Variants in PCCA observed in about 807,000 individuals in gnomAD.
The protein encoded by PCCA is propionyl-CoA carboxylase alpha chain, mitochondrial.
A neutral mutation model predicts 101.3 loss-of-function variants in PCCA; 74 were observed. The ratio of observed to expected loss-of-function variants is 0.73; its 90% CI spans 0.61 to 0.89. The LOEUF is 0.89. Among genes scored for constraint, PCCA ranks in the 40% least tolerant of loss-of-function variants. The pLI is 0.00. For synonymous variants in PCCA, 294 were observed against 313.6 expected, an observed-to-expected ratio of 0.94 and a Z score of 0.66; for missense variants, 891 against 907.0, an observed-to-expected ratio of 0.98 and a Z score of 0.23.
intron 21 of PCCA, among the ~76,000 whole-genome samples, chr13:100,459,812 C>CTAAG (rs2082050215): frequency 6.6e-6 from 1 of 152,194 alleles, no homozygotes; most frequent in African/African-American, 2.4e-5. Flanking sequence ...CCTGGGAAGT[C>CTAAG]TAAGTAAGGT....
chr13:100,501,779 C>A (rs574418583), intron 21 of PCCA, among the ~76,000 whole-genome samples: 36 of 152,238 alleles, frequency 2.4e-4, no homozygotes, highest in Admixed American at 1.4e-3. Context: ...GAGGCTGAGG[C>A]AGGAAAATCA....
chr13:100,242,760 A>G (rs1038735139), intron 8 of PCCA, among the ~76,000 whole-genome samples: 16 of 152,192 alleles, frequency 1.1e-4, no homozygotes, highest in African/African-American at 3.9e-4. Flanking sequence ...TTTTCCCCGC[A>G]TGTACTGATT....
intron 14 of PCCA, among the ~76,000 whole-genome samples, chr13:100,305,555 G>T (rs1260156370): frequency 6.6e-6 from 1 of 152,214 alleles, no homozygotes; most frequent in Non-Finnish European, 1.5e-5. Context: ...CAAGCATGCT[G>T]TGGTTTTAAA....
chr13:100,407,984 C>G (rs1307604437), intron 19 of PCCA, among the ~76,000 whole-genome samples: 1 of 152,040 alleles, frequency 6.6e-6, no homozygotes, highest in Non-Finnish European at 1.5e-5. Context: ...GACCCTGTCT[C>G]TACTAAAAAT....
chr13:100,133,157 T>G (rs1313035569), intron 4 of PCCA, among the ~76,000 whole-genome samples: 2 of 152,252 alleles, frequency 1.3e-5, no homozygotes, highest in Non-Finnish European at 2.9e-5. Context: ...TGGTTAATGA[T>G]GATGACCTTC....
At chr13:100,515,600 G>A (rs1242751630) in intron 22 of PCCA, 33 bp downstream of exon 22, 3 of 1,610,388 alleles carry the variant, frequency 1.9e-6, no homozygotes, top group Non-Finnish European at 8.5e-7. Flanking sequence ...TGCAGGACAT[G>A]CTGGTCTCCA....
intron 16 of PCCA, among the ~76,000 whole-genome samples, chr13:100,320,224 G>A (rs1426752919): frequency 6.6e-6 from 1 of 152,136 alleles, no homozygotes; most frequent in African/African-American, 2.4e-5. Context: ...GAGATTTTGG[G>A]CTGAGATGAT....
chr13:100,282,256 T>C (rs1162287653), intron 12 of PCCA, among the ~76,000 whole-genome samples: 1 of 152,254 alleles, frequency 6.6e-6, no homozygotes, highest in Non-Finnish European at 1.5e-5. Flanking sequence ...GCAAAGACCC[T>C]GGCAGTTGTG....
rs554395437 is a variant in PCCA at position 100,337,345 on chromosome 13, C to T, written c.1541-2812C>T. Among the ~76,000 whole-genome samples the T allele has an allele frequency of 2.6e-5, 4 of 152,276 alleles. No homozygotes were observed. In the East Asian group the frequency reaches 7.7e-4, roughly 29 times the overall value. On this transcript the variant is annotated intron_variant, in intron 17 of 23. Coordinates refer to ENST00000376285, the MANE Select transcript of PCCA (RefSeq NM_000282.4). Reference sequence around the variant, plus strand: ...CAGTGTCAGTGTGTCTGACTCAACACCAAGCTGGTCTACCACCCCCAGAGG... The same window carrying T: ...CAGTGTCAGTGTGTCTGACTCAACATCAAGCTGGTCTACCACCCCCAGAGG...
intron 17 of PCCA, among the ~76,000 whole-genome samples, chr13:100,337,287 G>A (rs1055448638): frequency 2.0e-5 from 3 of 152,128 alleles, no homozygotes; most frequent in Admixed American, 2.0e-4. Flanking sequence ...AAGGGAATGA[G>A]GTACATTCAC....
intron 18 of PCCA, among the ~76,000 whole-genome samples, chr13:100,364,847 T>G (rs1470164077): frequency 6.6e-6 from 1 of 152,032 alleles, no homozygotes; most frequent in Non-Finnish European, 1.5e-5. Flanking sequence ...GGCCAGGAAT[T>G]CAAGACCAGT....
intron 8 of PCCA, among the ~76,000 whole-genome samples, chr13:100,251,991 G>T (rs2061783445): frequency 1.8e-5 from 1 of 54,164 alleles, no homozygotes; most frequent in Non-Finnish European, 4.0e-5. Context: ...TTTCCCTTCT[G>T]GGGAGGCTGA....
At position 100,349,617 on chromosome 13, in the gene PCCA, G is replaced by A. The variant is rs2073012194; in HGVS notation, c.1643+9358G>A. Among the ~76,000 whole-genome samples the A allele has an allele frequency of 1.3e-5, 2 of 152,136 alleles. 1 individual carries two copies. The highest frequency in any genetic ancestry group is 4.2e-4 in the South Asian group (2 of 4,818). Reference sequence around the variant, plus strand: ...TTTCCCTCTTGGTATTTGAGCAGGGGTTAAAGACTCAGAAAAAGAAACAAC... The same window carrying A: ...TTTCCCTCTTGGTATTTGAGCAGGGATTAAAGACTCAGAAAAAGAAACAAC... On this transcript the variant is annotated intron_variant, in intron 18 of 23. Transcript: ENST00000376285.
At chr13:100,242,201 T>G (rs570555476) in intron 8 of PCCA, among the ~76,000 whole-genome samples, 13 of 152,148 alleles carry the variant, frequency 8.5e-5, no homozygotes, top group Admixed American at 7.9e-4. Flanking sequence ...CACAAATAGG[T>G]TGAAAGTGAA....
At chr13:100,263,502 A>G (rs1247360494) in intron 10 of PCCA, among the ~76,000 whole-genome samples, 10 of 152,210 alleles carry the variant, frequency 6.6e-5, no homozygotes, top group African/African-American at 1.2e-4. Flanking sequence ...TGCTGACCTT[A>G]TATTTTCTGA....
chr13:100,340,094 G>A, intron 17 of PCCA, 63 bp from the exon 18 acceptor site: 2 of 903,704 alleles, frequency 2.2e-6, no homozygotes, highest in Non-Finnish European at 3.8e-6. Flanking sequence ...AATTCTATAG[G>A]AGAGAAGCAC....
At chr13:100,190,115 A>G (rs2057635411) in intron 6 of PCCA, among the ~76,000 whole-genome samples, 1 of 152,202 alleles carries the variant, frequency 6.6e-6, no homozygotes, top group South Asian at 2.1e-4. Context: ...TGTCATGACT[A>G]ATTAATATGA....
Position 100,228,695 on chromosome 13 carries a change from C to T in PCCA, c.601-7147C>T, listed in dbSNP as rs553224531. On this transcript the variant is annotated intron_variant, in intron 7 of 23. Coordinates refer to ENST00000376285, the MANE Select transcript of PCCA (RefSeq NM_000282.4). ...GGAGGATCACTTGAGGTCAGGAGTT[C>T]GAAACCAGCCTGCCAAGATGGTGAA... is the stretch of plus-strand genomic sequence containing the variant. Among the ~76,000 whole-genome samples, 53 of 151,686 alleles carry T rather than the reference C, an allele frequency of 3.5e-4. No individual in the cohort carries two copies. In the East Asian group the frequency reaches 7.8e-3, roughly 22 times the overall value.
At chr13:100,381,376 G>A (rs1271835439) in intron 19 of PCCA, among the ~76,000 whole-genome samples, 3 of 148,016 alleles carry the variant, frequency 2.0e-5, no homozygotes, top group Admixed American at 1.3e-4. Context: ...GCGATAGAGC[G>A]AGACTCCGTC....
Sources: gnomAD v4.1 joint callset for allele counts (sites outside exome capture counted in the v4.1 genomes callset) on GRCh38, gnomAD v4.1.1 for gene constraint, MANE v1.5 for transcripts, NCBI Gene and HGNC (gene_info 2026-07-23, HGNC 2026-07-21) for gene names.